The following DCAF8L2 variants were observed in gnomAD, a reference collection of about 807,000 sequenced individuals.
DCAF8L2 encodes the protein DDB1 and CUL4 associated factor 8 like 2.
For missense variants in DCAF8L2, 430 were observed against 490.7 expected, an observed-to-expected ratio of 0.88 and a Z score of 1.17; for synonymous variants, 200 against 190.9, an observed-to-expected ratio of 1.05 and a Z score of -0.39.
the DCAF8L2 span, among the ~76,000 whole-genome samples, chrX:27,573,254 T>TCTCTCTCACA: frequency 1.2e-3 from 119 of 99,731 alleles, no homozygotes; most frequent in African/African-American, 3.0e-3. Flanking sequence ...TCTCTCTCTC[T>TCTCTCTCACA]CACACACACA....
intron 4 of DCAF8L2, among the ~76,000 whole-genome samples, chrX:27,745,369 A>T (rs984007190): frequency 1.8e-5 from 2 of 112,131 alleles, no homozygotes; most frequent in Admixed American, 1.9e-4. Flanking sequence ...ACTTGCAAAA[A>T]ATTGAAATTA....
chrX:27,689,671 G>A (rs1371355552), intron 3 of DCAF8L2, among the ~76,000 whole-genome samples: 1 of 112,618 alleles, frequency 8.9e-6, no homozygotes, highest in Non-Finnish European at 1.9e-5. Flanking sequence ...AGGAAGAATA[G>A]GATACAGGCT....
chrX:27,560,417 C>T, the DCAF8L2 span, among the ~76,000 whole-genome samples: 13,833 of 111,226 alleles, frequency 0.12, 683 homozygotes, highest in African/African-American at 0.17. Flanking sequence ...CATACTAAGC[C>T]AGTCCATGAG....
At chrX:27,678,289 T>TA (rs1216447349) in intron 3 of DCAF8L2, among the ~76,000 whole-genome samples, 1 of 111,676 alleles carries the variant, frequency 9.0e-6, no homozygotes, top group African/African-American at 3.2e-5. Flanking sequence ...CTCAAAAACT[T>TA]AAACATAGAA....
the DCAF8L2 span, among the ~76,000 whole-genome samples, chrX:27,555,779 A>T: frequency 9.0e-6 from 1 of 111,284 alleles, no homozygotes; most frequent in Admixed American, 9.5e-5. Context: ...TGAGTTTGGG[A>T]GCATCCAGTG....
chrX:27,579,690 A>G, the DCAF8L2 span, among the ~76,000 whole-genome samples: 13 of 107,249 alleles, frequency 1.2e-4, no homozygotes, highest in Non-Finnish European at 2.5e-4. Context: ...TGAATACCCA[A>G]AGTACTCCTC....
intron 2 of DCAF8L2, among the ~76,000 whole-genome samples, chrX:27,635,786 CGTGTGTGTGT>C (rs754830405): frequency 1.9e-4 from 17 of 90,421 alleles, no homozygotes; most frequent in African/African-American, 5.6e-4. Flanking sequence ...TTTCCTTTTA[CGTGTGTGTGT>C]GTGTGTGTGT....
chrX:27,747,311 AG>A lies in DCAF8L2; in HGVS notation c.418del (p.Glu140ArgfsTer26). 8.8e-7 allele frequency: 1 copy of A among 1,138,217 alleles called. No individual in the cohort carries two copies. The highest frequency in any genetic ancestry group is 1.8e-5 in the African/African-American group (1 of 54,121). 93.8% of individuals were successfully genotyped at this position (1,138,217 alleles called of 1,213,427 possible). A position where few individuals can be genotyped will look rare whatever the true frequency, so the allele number is the denominator to read the frequency against. On this transcript the variant is annotated frameshift_variant, in exon 5 of 5. Coordinates refer to ENST00000451261, the MANE Select transcript of DCAF8L2 (RefSeq NM_001353450.2). LOFTEE classifies it low-confidence loss of function (END_TRUNC). The part of the protein sequence containing the change: ...EEEEEEEEEE[E>X]EEEEEEEEQP... ...GAGGAGGAGGAGGAGGAGGAGGAGG[AG>A]GAGGAGGAGGAGGAGGAAGAAGAAC...
chrX:27,542,664 T>C, the DCAF8L2 span, among the ~76,000 whole-genome samples: 42,871 of 97,421 alleles, frequency 0.44, 8,669 homozygotes, highest in South Asian at 0.69. Flanking sequence ...TGCCTCAGCC[T>C]CCCAAGTAGC....
At chrX:27,679,890 C>G (rs1930264615) in intron 3 of DCAF8L2, among the ~76,000 whole-genome samples, 1 of 111,677 alleles carries the variant, frequency 9.0e-6, no homozygotes, top group South Asian at 3.7e-4. Context: ...TTTGCTTTAT[C>G]CAGCAAATAG....
chrX:27,746,464 T>C (rs1922166700), intron 4 of DCAF8L2, among the ~76,000 whole-genome samples: 1 of 111,986 alleles, frequency 8.9e-6, no homozygotes, highest in Non-Finnish European at 1.9e-5. Flanking sequence ...ATAGAGTACA[T>C]TACCTTCAAG....
At chrX:27,702,547 T>C (rs1310232276) in intron 3 of DCAF8L2, among the ~76,000 whole-genome samples, 1 of 110,890 alleles carries the variant, frequency 9.0e-6, no homozygotes, top group African/African-American at 3.3e-5. Context: ...GTTTGGTTTA[T>C]CATCTAAGAA....
intron 3 of DCAF8L2, among the ~76,000 whole-genome samples, chrX:27,691,542 T>G (rs1930713782): frequency 8.9e-6 from 1 of 112,080 alleles, no homozygotes. Flanking sequence ...TAATTTTCAT[T>G]GAAACATCTA....
At chrX:27,686,930 T>C in intron 3 of DCAF8L2, among the ~76,000 whole-genome samples, 1 of 112,295 alleles carries the variant, frequency 8.9e-6, no homozygotes, top group South Asian at 3.7e-4. Context: ...GCGTGTGCAG[T>C]TCACAATAGG....
intron 4 of DCAF8L2, among the ~76,000 whole-genome samples, chrX:27,719,231 T>C (rs1013637469): frequency 1.8e-5 from 2 of 111,406 alleles, no homozygotes; most frequent in African/African-American, 6.5e-5. Flanking sequence ...TGTTTTCCAT[T>C]TCTTAGATTT....
chrX:27,702,699 C>G (rs759810730), intron 3 of DCAF8L2, among the ~76,000 whole-genome samples: 19 of 110,965 alleles, frequency 1.7e-4, no homozygotes, highest in African/African-American at 6.2e-4. Context: ...TAAAAGATAA[C>G]TGCTTCAAAT....
At chrX:27,671,647 C>T (rs550622045) in intron 2 of DCAF8L2, among the ~76,000 whole-genome samples, 94 of 111,736 alleles carry the variant, frequency 8.4e-4, no homozygotes, top group African/African-American at 2.9e-3. Context: ...GATGTCAATC[C>T]AGAGGAAGGA....
chrX:27,584,357 G>A, the DCAF8L2 span, among the ~76,000 whole-genome samples: 2 of 110,148 alleles, frequency 1.8e-5, no homozygotes, highest in Non-Finnish European at 3.8e-5. Context: ...ACTTCTGCCT[G>A]ACTATTGAAT....
At chrX:27,563,313 T>C in the DCAF8L2 span, among the ~76,000 whole-genome samples, 1 of 111,984 alleles carries the variant, frequency 8.9e-6, no homozygotes, top group African/African-American at 3.2e-5. Flanking sequence ...TTCTTAAATT[T>C]AGGTATTGTT....
Sources: gnomAD v4.1 joint callset for allele counts (sites outside exome capture counted in the v4.1 genomes callset) on GRCh38, gnomAD v4.1.1 for gene constraint, MANE v1.5 for transcripts, NCBI Gene and HGNC (gene_info 2026-07-23, HGNC 2026-07-21) for gene names.